The following SIGLEC5 variants were observed in gnomAD, a reference collection of about 807,000 sequenced individuals.
SIGLEC5 encodes sialic acid binding Ig like lectin 5, also known as sialic acid-binding Ig-like lectin 5.
SIGLEC5 carries 34 observed loss-of-function variants against 45.9 expected under a neutral mutation model. The ratio of observed to expected loss-of-function variants is 0.74; its 90% confidence interval spans 0.56 to 0.99. The LOEUF (loss-of-function observed/expected upper bound fraction) is 0.99. Ranked by LOEUF, SIGLEC5 falls within the 50% of genes least tolerant of loss-of-function variation. The probability of loss-of-function intolerance (pLI) is 0.00; values close to 1 mark genes in which losing one functional copy is unlikely to be tolerated. For missense variants in SIGLEC5, 508 were observed against 629.6 expected, an observed-to-expected ratio of 0.81 and a Z score of 2.07; for synonymous variants, 203 against 258.6, an observed-to-expected ratio of 0.79 and a Z score of 2.06.
chr19:51,618,103 T>C (rs1217545838), intron 8 of SIGLEC5, among the ~76,000 whole-genome samples: 1 of 150,716 alleles, frequency 6.6e-6, no homozygotes, highest in African/African-American at 2.4e-5. Context: ...CGGCAAGATA[T>C]TAAGCTTCTA....
At chr19:51,614,818 G>A (rs1235885895) in intron 8 of SIGLEC5, among the ~76,000 whole-genome samples, 1 of 152,200 alleles carries the variant, frequency 6.6e-6, no homozygotes, top group Non-Finnish European at 1.5e-5. Context: ...TCCCCGTCAT[G>A]CAGTTCCTTG....
rs1356187017 is a variant in SIGLEC5, at chr19:51,629,370, G to C, written c.688C>G (p.Leu230Val). The C allele has an allele frequency of 9.3e-6, 15 of 1,613,744 alleles. No homozygotes were observed. The highest frequency in any genetic ancestry group is 1.2e-5 in the Non-Finnish European group (14 of 1,180,002). Residue 230 changes from leucine to valine, a missense_variant, in exon 3 of 9, where the codon CTC (leucine) becomes GTC (valine). By Grantham distance (32) the Leu-to-Val change is conservative (BLOSUM62 1). Transcript: ENST00000683636. ...CAGCACCACTCACAGGAGACATTGAGCTGGACAGTTCTCTCCGTGGTCACC... is the reference window on the plus strand; with the variant it reads ...CAGCACCACTCACAGGAGACATTGACCTGGACAGTTCTCTCCGTGGTCACC... ...AQVTTERTVQLNVSYAPQTIT... is the reference protein window; with the variant it reads ...AQVTTERTVQVNVSYAPQTIT...
intron 8 of SIGLEC5, among the ~76,000 whole-genome samples, chr19:51,622,205 C>G (rs888848921): frequency 3.3e-5 from 5 of 152,134 alleles, no homozygotes; most frequent in African/African-American, 1.2e-4. Flanking sequence ...GATCTCCGCT[C>G]ACTGCAAGCT....
rs200387740 is a variant in SIGLEC5, at chr19:51,612,217, C to G, written c.*14G>C. ...TGTGGCTCCTCCAGCCAGGACTGAACTCTGGGCAAATCCTCACTTGCTTGT... is the reference window on the plus strand; with the variant it reads ...TGTGGCTCCTCCAGCCAGGACTGAAGTCTGGGCAAATCCTCACTTGCTTGT... On this transcript the variant is annotated 3_prime_UTR_variant, in exon 9 of 9. Transcript: ENST00000683636. 28 of 1,580,940 alleles carry G rather than the reference C, an allele frequency of 1.8e-5. No individual in the cohort carries two copies. Among genetic ancestry groups the G allele is most frequent in the Non-Finnish European group, 2.4e-5 (28 of 1,159,406 alleles).
intron 8 of SIGLEC5, among the ~76,000 whole-genome samples, chr19:51,617,030 C>T (rs922771515): frequency 5.3e-5 from 8 of 150,952 alleles, no homozygotes; most frequent in African/African-American, 1.7e-4. Context: ...CCGAGGCTGG[C>T]GGATCACAAG....
intron 8 of SIGLEC5, among the ~76,000 whole-genome samples, 159 bp downstream of exon 8, chr19:51,625,873 G>A (rs112293290): frequency 0.027 from 4,173 of 152,144 alleles, 181 homozygotes; most frequent in African/African-American, 0.096. Context: ...AGGTTGAATG[G>A]GACATAATGA....
At chr19:51,614,716 T>C (rs528470230) in intron 8 of SIGLEC5, among the ~76,000 whole-genome samples, 40 of 152,328 alleles carry the variant, frequency 2.6e-4, no homozygotes, top group African/African-American at 9.4e-4. Flanking sequence ...GTTCACCCTT[T>C]CACTCAATAG....
intron 8 of SIGLEC5, among the ~76,000 whole-genome samples, chr19:51,625,400 T>C (rs1983439815): frequency 6.6e-6 from 1 of 152,056 alleles, no homozygotes; most frequent in African/African-American, 2.4e-5. Flanking sequence ...TGGGAAGTAA[T>C]AGTTTTGGGG....
chr19:51,620,273 C>T (rs535263302), intron 8 of SIGLEC5, among the ~76,000 whole-genome samples: 52 of 152,068 alleles, frequency 3.4e-4, no homozygotes, highest in African/African-American at 1.3e-3. Flanking sequence ...GACTAGTCCC[C>T]AATTTCTCAA....
chr19:51,613,794 A>G (rs991384359), intron 8 of SIGLEC5, among the ~76,000 whole-genome samples: 1 of 152,078 alleles, frequency 6.6e-6, no homozygotes, highest in African/African-American at 2.4e-5. Context: ...TGGCGAGGCC[A>G]GGATTCGAAC....
At chr19:51,616,907 AAAAAAAAAAAAC>A (rs1381104155) in intron 8 of SIGLEC5, among the ~76,000 whole-genome samples, 5 of 21,704 alleles carry the variant, frequency 2.3e-4, no homozygotes, top group South Asian at 1.1e-3. Context: ...TGAGACTGTC[AAAAAAAAAAAAC>A]AAAAAAAAAA....
At position 51,627,606 on chromosome 19, in the gene SIGLEC5, A is replaced by G; in HGVS notation, c.1138T>C (p.Ser380Pro). 6.2e-7 allele frequency: 1 copy of G among 1,613,718 alleles called. No homozygotes were observed. Among genetic ancestry groups the G allele is most frequent in the Middle Eastern group, 1.7e-4 (1 of 5,972 alleles). ...GCTGAGCTGGAGTTGACCTTGAATG[A>G]GCCCTGGCTGCTGTTCCCCTCCAGC... ...KPLEGNSSQGSFKVNSSSAGP... is the reference protein window; with the variant it reads ...KPLEGNSSQGPFKVNSSSAGP... The change falls in exon 6 of 9, where the codon TCA becomes CCA. Residue 380 changes from serine to proline, a missense_variant. By Grantham distance (74) the Ser-to-Pro change is moderately conservative. This residue lies in a region of SIGLEC5 where 431 missense variants were observed against 428.8 expected (regional missense o/e 1.01). Coordinates refer to ENST00000683636, the MANE Select transcript of SIGLEC5 (RefSeq NM_003830.4).
In SIGLEC5 at chr19:51,627,737, T is replaced by G; in HGVS notation, c.1007A>C (p.Gln336Pro). Residue 336 changes from glutamine (Q) to proline (P), a missense_variant, in exon 6 of 9, where the codon CAG becomes CCG. Gln to Pro is a moderately conservative substitution (Grantham distance 76, BLOSUM62 -1). Around this residue, in one of 2 missense-constraint regions of SIGLEC5, gnomAD observed 431 missense variants for 428.8 expected, o/e 1.01. Transcript: ENST00000683636. ...CCAGGAGCAGGAGGGGCCCAGCAACTGTGGGAGGGCTGTGGGGAGGGAGGA... is the reference window on the plus strand; with the variant it reads ...CCAGGAGCAGGAGGGGCCCAGCAACGGTGGGAGGGCTGTGGGGAGGGAGGA... The part of the protein sequence containing the change: ...FLNLSVYSLP[Q>P]LLGPSCSWEA... 1.3e-6 allele frequency: 2 copies of G among 1,585,464 alleles called. No homozygotes were observed. The highest frequency in any genetic ancestry group is 8.6e-7 in the Non-Finnish European group (1 of 1,163,566).
At chr19:51,622,794 A>G (rs1265445685) in intron 8 of SIGLEC5, among the ~76,000 whole-genome samples, 1 of 152,190 alleles carries the variant, frequency 6.6e-6, no homozygotes, top group East Asian at 1.9e-4. Context: ...GTCAAAAGAA[A>G]AGCATACTCT....
intron 8 of SIGLEC5, among the ~76,000 whole-genome samples, chr19:51,615,114 G>C (rs1448733063): frequency 6.6e-6 from 1 of 152,162 alleles, no homozygotes; most frequent in African/African-American, 2.4e-5. Flanking sequence ...GTGCAGAATG[G>C]TTAAAGGTAA....
chr19:51,616,633 C>T (rs1336135554), intron 8 of SIGLEC5, among the ~76,000 whole-genome samples: 2 of 152,038 alleles, frequency 1.3e-5, no homozygotes, highest in Admixed American at 1.3e-4. Context: ...GAAAACTGGC[C>T]AGGCGTGGTG....
intron 8 of SIGLEC5, among the ~76,000 whole-genome samples, chr19:51,617,900 G>A (rs1444726352): frequency 1.3e-5 from 2 of 151,904 alleles, no homozygotes; most frequent in African/African-American, 4.8e-5. Context: ...GTAAAGAGTT[G>A]AAGGAAGAGA....
chr19:51,629,362 G>A lies in SIGLEC5; in HGVS notation c.696C>T (p.Val232=). ...VTTERTVQLN[V]SYAPQTITIF... ...TGTGTCCCCAGCACCACTCACAGGA[G>A]ACATTGAGCTGGACAGTTCTCTCCG... is the stretch of plus-strand genomic sequence containing the variant. Residue 232 remains valine (V), a synonymous_variant, in exon 3 of 9, where the codon GTC becomes GTT. Coordinates refer to ENST00000683636, the MANE Select transcript of SIGLEC5 (RefSeq NM_003830.4). The A allele has an allele frequency of 6.2e-7, 1 of 1,613,600 alleles. No homozygotes were observed. The highest frequency in any genetic ancestry group is 1.7e-5 in the Admixed American group (1 of 59,966).
chr19:51,626,644 T>C (rs1187412527), intron 7 of SIGLEC5, among the ~76,000 whole-genome samples: 1 of 151,624 alleles, frequency 6.6e-6, no homozygotes, highest in Non-Finnish European at 1.5e-5. Flanking sequence ...ATGGAATAGG[T>C]TAGGGCTGGG....
Sources: gnomAD v4.1 joint callset for allele counts (sites outside exome capture counted in the v4.1 genomes callset) on GRCh38, gnomAD v4.1.1 for gene constraint, gnomAD v4.1.1 regional missense constraint, MANE v1.5 for transcripts, NCBI Gene and HGNC (gene_info 2026-07-23, HGNC 2026-07-21) for gene names.